The following KCNG3 variants were observed in gnomAD, a reference collection of about 807,000 sequenced individuals.
KCNG3 encodes potassium voltage-gated channel modifier subfamily G member 3.
Under a neutral mutation model 29.0 loss-of-function variants are expected in KCNG3, and 15 were observed. That is an observed-to-expected ratio of 0.52 (90% CI 0.35 to 0.80). The LOEUF is 0.80. Ranked by LOEUF, KCNG3 falls within the 30% of genes least tolerant of loss-of-function variation. KCNG3 has a pLI of 0.01. For synonymous variants in KCNG3, 322 were observed against 248.9 expected, an observed-to-expected ratio of 1.29 and a Z score of -2.76; for missense variants, 512 against 605.7, an observed-to-expected ratio of 0.85 and a Z score of 1.62.
At chr2:42,430,178 G>A in the KCNG3 span, among the ~76,000 whole-genome samples, 4 of 151,794 alleles carry the variant, frequency 2.6e-5, no homozygotes, top group Admixed American at 6.6e-5. Flanking sequence ...ACCAGCCTGG[G>A]CAACACAGTG....
chr2:42,477,388 TAC>T (rs1210808896), intron 1 of KCNG3, among the ~76,000 whole-genome samples: 8,371 of 104,578 alleles, frequency 0.08, 389 homozygotes, highest in South Asian at 0.19. Context: ...CACATATATA[TAC>T]ACACACACAC....
intron 1 of KCNG3, among the ~76,000 whole-genome samples, chr2:42,452,241 ATATT>A (rs1316687176): frequency 0.017 from 1,141 of 66,034 alleles, 17 homozygotes; most frequent in African/African-American, 0.061. Context: ...ATATATATAT[ATATT>A]TTTTTTTTTT....
chr2:42,409,699 C>CAAAAAAAA, the KCNG3 span, among the ~76,000 whole-genome samples: 4 of 51,980 alleles, frequency 7.7e-5, no homozygotes, highest in East Asian at 1.0e-3. Flanking sequence ...GTGCCTGTCT[C>CAAAAAAAA]AAAAAAAAAA....
At chr2:42,471,559 T>C (rs943387347) in intron 1 of KCNG3, among the ~76,000 whole-genome samples, 1 of 152,066 alleles carries the variant, frequency 6.6e-6, no homozygotes, top group African/African-American at 2.4e-5. Flanking sequence ...TGTTCTGGAA[T>C]AGTGATGATA....
chr2:42,475,411 C>T (rs1180990362), intron 1 of KCNG3, among the ~76,000 whole-genome samples: 1 of 150,504 alleles, frequency 6.6e-6, no homozygotes, highest in Admixed American at 6.7e-5. Flanking sequence ...TCACTGCAAC[C>T]TCTTTCTCCC....
At chr2:42,469,191 G>A (rs1335951545) in intron 1 of KCNG3, among the ~76,000 whole-genome samples, 2 of 151,980 alleles carry the variant, frequency 1.3e-5, no homozygotes, top group African/African-American at 4.8e-5. Flanking sequence ...GGCCGAGGCA[G>A]CTGGATCACG....
chr2:42,432,749 T>C, the KCNG3 span, among the ~76,000 whole-genome samples: 1 of 152,154 alleles, frequency 6.6e-6, no homozygotes, highest in Non-Finnish European at 1.5e-5. Flanking sequence ...CCATTAAATA[T>C]ATACCAATTG....
the KCNG3 span, among the ~76,000 whole-genome samples, chr2:42,433,584 C>G: frequency 6.6e-6 from 1 of 152,012 alleles, no homozygotes; most frequent in African/African-American, 2.4e-5. Flanking sequence ...ACTAAAAATA[C>G]AAAAATTAGC....
chr2:42,451,344 G>A (rs906301279), intron 1 of KCNG3, among the ~76,000 whole-genome samples: 3 of 152,026 alleles, frequency 2.0e-5, no homozygotes, highest in African/African-American at 7.2e-5. Context: ...TTGGGAGGCT[G>A]AAGTGGGAGG....
chr2:42,459,748 G>A (rs979857255), intron 1 of KCNG3, among the ~76,000 whole-genome samples: 12 of 152,284 alleles, frequency 7.9e-5, no homozygotes, highest in Admixed American at 3.3e-4. Flanking sequence ...AGGTCAAGGC[G>A]GGTGGATCAT....
chr2:42,481,425 G>C (rs1422211988), intron 1 of KCNG3, among the ~76,000 whole-genome samples: 1 of 152,080 alleles, frequency 6.6e-6, no homozygotes, highest in African/African-American at 2.4e-5. Context: ...AACCCACCCT[G>C]CATCTCTTAC....
chr2:42,424,836 G>C, the KCNG3 span: 2 of 152,200 alleles, frequency 1.3e-5, no homozygotes, highest in Non-Finnish European at 2.9e-5. Context: ...CTCGGGACAT[G>C]GGCCGACTGC....
In KCNG3 at chr2:42,444,244, A is replaced by G; in HGVS notation, c.1001T>C (p.Met334Thr). ...VMLLVFICVA[M>T]AIFSALSQLL... ...CTGAGAAAGTGCACTAAAGATTGCC[A>G]TGGCAACACAAATGAAGACAAGTAA... The change falls in exon 2 of 2, where the codon ATG becomes ACG. Residue 334 changes from methionine to threonine, a missense_variant. Coordinates refer to ENST00000306078, the MANE Select transcript of KCNG3 (RefSeq NM_133329.6). The surrounding 1 kb of genome is among the most constrained non-coding windows in gnomAD (Gnocchi z 5.8). 6.2e-7 allele frequency: 1 copy of G among 1,614,202 alleles called. No homozygotes were observed. Among genetic ancestry groups the G allele is most frequent in the Non-Finnish European group, 8.5e-7 (1 of 1,180,034 alleles).
At chr2:42,477,833 C>A (rs1437908454) in intron 1 of KCNG3, among the ~76,000 whole-genome samples, 1 of 151,728 alleles carries the variant, frequency 6.6e-6, no homozygotes. Flanking sequence ...GAGCCAAGAT[C>A]GTGCCACTGC....
the KCNG3 span, among the ~76,000 whole-genome samples, chr2:42,432,380 T>C: frequency 1.3e-5 from 2 of 152,238 alleles, no homozygotes; most frequent in Admixed American, 6.5e-5. Context: ...TATGGAAAGA[T>C]AGGATTAAAC....
chr2:42,405,712 A>C, the KCNG3 span, among the ~76,000 whole-genome samples: 12 of 152,048 alleles, frequency 7.9e-5, no homozygotes, highest in African/African-American at 2.9e-4. Context: ...GGTTCACGCC[A>C]TCCTCCTGCC....
the KCNG3 span, among the ~76,000 whole-genome samples, chr2:42,398,088 T>TG: frequency 6.6e-6 from 1 of 151,970 alleles, no homozygotes; most frequent in African/African-American, 2.4e-5. Flanking sequence ...CCGGGCATGG[T>TG]GGCGGGCGCC....
Position 42,452,295 on chromosome 2 carries a change from G to C in KCNG3, c.666-7716C>G, listed in dbSNP as rs574932193. 2.8e-3 allele frequency among the ~76,000 whole-genome samples: 402 copies of C among 143,468 alleles called. 2 individuals carry two copies. The highest frequency in any genetic ancestry group is 9.9e-3 in the African/African-American group (387 of 39,154). The allele number at this position is 143,468 out of a possible 152,430, so 94.1% of individuals were successfully genotyped here. A position where few individuals can be genotyped will look rare whatever the true frequency, so the allele number is the denominator to read the frequency against. ...GAATTTTGCTCTGTCACCCAGGCTA[G>C]AGCATAATGGAGCAGTCATAGCTCA... is the stretch of plus-strand genomic sequence containing the variant. On this transcript the variant is annotated intron_variant, in intron 1 of 1. Transcript: ENST00000306078.
chr2:42,411,825 T>C, the KCNG3 span, among the ~76,000 whole-genome samples: 57 of 152,354 alleles, frequency 3.7e-4, no homozygotes, highest in South Asian at 2.7e-3. Context: ...TAGTTATTTG[T>C]ACTTGCTACC....
Sources: allele counts gnomAD v4.1 joint callset (sites outside exome capture counted in the v4.1 genomes callset), GRCh38; gene constraint gnomAD v4.1.1; non-coding constraint Gnocchi (gnomAD v3.1); transcripts MANE v1.5; gene names NCBI Gene and HGNC (gene_info 2026-07-23, HGNC 2026-07-21).